PAK5: variants seen among roughly 807,000 people sequenced by gnomAD.
The protein encoded by PAK5 is p21 (RAC1) activated kinase 5, also known as serine/threonine-protein kinase PAK 5.
PAK5 carries 16 observed loss-of-function variants against 65.9 expected under a neutral mutation model. The ratio of observed to expected loss-of-function variants is 0.24; its 90% confidence interval spans 0.16 to 0.37. The LOEUF is 0.37. Among genes scored for constraint, PAK5 ranks in the 10% least tolerant of loss-of-function variants. PAK5 has a pLI of 1.00. For synonymous variants in PAK5, 371 were observed against 354.9 expected (o/e 1.05, Z -0.51); for missense variants, 785 against 903.9 (o/e 0.87, Z 1.69).
At chr20:9,832,141 T>C (rs1978770831) in intron 1 of PAK5, among the ~76,000 whole-genome samples, 1 of 152,070 alleles carries the variant, frequency 6.6e-6, no homozygotes, top group African/African-American at 2.4e-5. Flanking sequence ...TTTTAATTTT[T>C]ATTACTATGA....
At chr20:9,701,026 A>G (rs954187059) in intron 2 of PAK5, among the ~76,000 whole-genome samples, 3 of 152,168 alleles carry the variant, frequency 2.0e-5, no homozygotes, top group African/African-American at 7.2e-5. Context: ...GATAGGTAGG[A>G]GCCATTGCAT....
intron 1 of PAK5, among the ~76,000 whole-genome samples, chr20:9,832,789 G>T (rs1475649969): frequency 2.0e-5 from 3 of 152,000 alleles, no homozygotes; most frequent in African/African-American, 7.2e-5. Context: ...TTTATTAAAC[G>T]TGTGCATTGG....
chr20:9,580,877 T>C lies in PAK5; in HGVS notation c.258A>G (p.Leu86=). ...TCACCGAGATGTTGTCAAAATCCTC[T>C]AGCAGGCCGTTGATGGAGGTTTCCT... ...PCKETSINGL[L]EDFDNISVTR... The change falls in exon 4 of 10, where the codon CTA becomes CTG. Residue 86 remains leucine (L), a synonymous_variant. Coordinates refer to ENST00000353224, the MANE Select transcript of PAK5 (RefSeq NM_177990.4). 1.9e-6 allele frequency: 3 copies of C among 1,610,714 alleles called. No homozygotes were observed. The highest frequency in any genetic ancestry group is 2.5e-6 in the Non-Finnish European group (3 of 1,178,272).
At chr20:9,681,883 T>C (rs1018541934) in intron 2 of PAK5, among the ~76,000 whole-genome samples, 43 of 152,334 alleles carry the variant, frequency 2.8e-4, no homozygotes, top group African/African-American at 8.2e-4. Context: ...TGTTAGTCTA[T>C]AAACACCTCC....
intron 1 of PAK5, among the ~76,000 whole-genome samples, chr20:9,777,619 T>A (rs1450174722): frequency 6.6e-6 from 1 of 152,184 alleles, no homozygotes; most frequent in African/African-American, 2.4e-5. Flanking sequence ...CAACTACCTA[T>A]AGCAGGGCGG....
At chr20:9,555,456 GTACCA>G (rs1403622021) in intron 7 of PAK5, among the ~76,000 whole-genome samples, 2 of 152,168 alleles carry the variant, frequency 1.3e-5, no homozygotes, top group African/African-American at 4.8e-5. Flanking sequence ...AAGGAAGCCT[GTACCA>G]TAAATTTCTA....
chr20:9,552,555 T>C (rs367570684), intron 7 of PAK5, among the ~76,000 whole-genome samples: 4 of 152,346 alleles, frequency 2.6e-5, no homozygotes, highest in East Asian at 1.9e-4. Flanking sequence ...CACAAATTAG[T>C]GACTCGTTAG....
chr20:9,799,939 CAAAAAAAAAAAAAAAAAAA>C (rs71331383), intron 1 of PAK5, among the ~76,000 whole-genome samples: 1 of 43,660 alleles, frequency 2.3e-5, no homozygotes, highest in Non-Finnish European at 4.5e-5. Flanking sequence ...ACTCTGTCTC[CAAAAAAAAAAAAAAAAAAA>C]AAAAAAAATG....
At chr20:9,626,546 A>G (rs1343947925) in intron 3 of PAK5, among the ~76,000 whole-genome samples, 1 of 152,226 alleles carries the variant, frequency 6.6e-6, no homozygotes, top group African/African-American at 2.4e-5. Context: ...ACAAACAAAC[A>G]AAAAGTCCTG....
intron 3 of PAK5, among the ~76,000 whole-genome samples, chr20:9,618,266 A>G (rs2123172123): frequency 6.6e-6 from 1 of 152,018 alleles, no homozygotes; most frequent in East Asian, 1.9e-4. Flanking sequence ...CCAAGTTTTA[A>G]CCCCTCTAAA....
At chr20:9,681,821 G>A (rs191465783) in intron 2 of PAK5, among the ~76,000 whole-genome samples, 11 of 151,500 alleles carry the variant, frequency 7.3e-5, no homozygotes, top group South Asian at 2.1e-4. Flanking sequence ...ATTTTCTCTC[G>A]CTTAAATTTC....
chr20:9,593,687 G>C (rs1332107728), intron 3 of PAK5, among the ~76,000 whole-genome samples: 1 of 152,098 alleles, frequency 6.6e-6, no homozygotes, highest in East Asian at 1.9e-4. Context: ...ATTCCTTAAG[G>C]TGCTTTCCTT....
At chr20:9,741,632 G>T (rs1022118196) in intron 1 of PAK5, among the ~76,000 whole-genome samples, 3 of 152,070 alleles carry the variant, frequency 2.0e-5, no homozygotes, top group Non-Finnish European at 2.9e-5. Context: ...ACTTCAGAGG[G>T]TTATTCTGAG....
At chr20:9,765,281 T>C (rs1045966449) in intron 1 of PAK5, among the ~76,000 whole-genome samples, 9 of 152,184 alleles carry the variant, frequency 5.9e-5, no homozygotes, top group Non-Finnish European at 1.3e-4. Flanking sequence ...CCTAATAGTA[T>C]CTAAAAGCCA....
rs1380540833 is a variant in PAK5, at chr20:9,538,042, TGTC to T, written c.*1417_*1419del. On this transcript the variant is annotated 3_prime_UTR_variant, in exon 10 of 10. Coordinates refer to ENST00000353224, the MANE Select transcript of PAK5 (RefSeq NM_177990.4). ...TCCCAGTTTGGTAACAAATGGCTTT[TGTC>T]TGATGCATAATTAATAGAAACTAAT... 4.3e-6 allele frequency: 1 copy of T among 232,828 alleles called. No individual in the cohort carries two copies. Among genetic ancestry groups the T allele is most frequent in the Admixed American group, 5.6e-5 (1 of 17,776 alleles). 14.4% of individuals were successfully genotyped at this position (232,828 alleles called of 1,614,324 possible).
chr20:9,604,883 T>C (rs2046424099), intron 3 of PAK5, among the ~76,000 whole-genome samples: 1 of 152,156 alleles, frequency 6.6e-6, no homozygotes, highest in Admixed American at 6.5e-5. Flanking sequence ...GGGCGTTATC[T>C]GGGATGCAGC....
rs73600245 is a variant in PAK5, at chr20:9,584,420, C to T, written c.205-3490G>A. On this transcript the variant is annotated intron_variant, in intron 3 of 9. Transcript: ENST00000353224. ...CTCCGCCTCCCGGGTTCAAGTAATT[C>T]TCCTGCCTCAGCCTCCCCAGTAGCT... Among the ~76,000 whole-genome samples the T allele has an allele frequency of 7.2e-4, 109 of 152,354 alleles. No individual in the cohort carries two copies. In the East Asian group the frequency reaches 0.011, roughly 16 times the overall value.
chr20:9,658,680 C>T (rs2047303104), intron 2 of PAK5, among the ~76,000 whole-genome samples: 1 of 152,132 alleles, frequency 6.6e-6, no homozygotes, highest in Non-Finnish European at 1.5e-5. Context: ...TGGTTAAAAA[C>T]TGGCTATGGA....
intron 3 of PAK5, among the ~76,000 whole-genome samples, chr20:9,638,724 G>C (rs1333452940): frequency 6.6e-6 from 1 of 152,188 alleles, no homozygotes; most frequent in African/African-American, 2.4e-5. Context: ...TCTACACAGA[G>C]GAGAGGTGTG....
Sources: gnomAD v4.1 joint callset for allele counts (sites outside exome capture counted in the v4.1 genomes callset) on GRCh38, gnomAD v4.1.1 for gene constraint, MANE v1.5 for transcripts, NCBI Gene and HGNC (gene_info 2026-07-23, HGNC 2026-07-21) for gene names.